Variants in TMCO4 observed in about 807,000 individuals in gnomAD.
TMCO4 encodes transmembrane and coiled-coil domains 4, also known as transmembrane and coiled-coil domain-containing protein 4.
A neutral mutation model predicts 64.7 loss-of-function variants in TMCO4; 58 were observed. The observed-to-expected ratio is 0.90, with a 90% confidence interval of 0.73 to 1.12. The LOEUF is 1.12. Ranked by LOEUF, TMCO4 falls within the 50% of genes most tolerant of loss-of-function variation. TMCO4 has a pLI of 0.00. For synonymous variants in TMCO4, 325 were observed against 346.1 expected, an observed-to-expected ratio of 0.94 and a Z score of 0.68; for missense variants, 780 against 825.9, an observed-to-expected ratio of 0.94 and a Z score of 0.68.
In TMCO4 at chr1:19,698,380, G is replaced by A. The variant is rs559532409; in HGVS notation, c.1382+2388C>T. On this transcript the variant is annotated intron_variant, in intron 14 of 15. Coordinates refer to ENST00000294543, the MANE Select transcript of TMCO4 (RefSeq NM_181719.7). ...ATCCTGGGTCTGCCTGTGGGTCCCT[G>A]GGCAAGTCACTTGCCCCTTTTTGAG... Among the ~76,000 whole-genome samples, 9 of 152,304 alleles carry A rather than the reference G, an allele frequency of 5.9e-5. No homozygotes were observed. In the South Asian group the frequency reaches 1.9e-3, roughly 32 times the overall value.
chr1:19,725,087 T>C (rs1169890326), intron 13 of TMCO4, among the ~76,000 whole-genome samples: 1 of 152,214 alleles, frequency 6.6e-6, no homozygotes. Context: ...GCAATGATCC[T>C]TGCATCTTGA....
At chr1:19,701,768 T>C (rs558271905) in intron 13 of TMCO4, among the ~76,000 whole-genome samples, 2 of 151,928 alleles carry the variant, frequency 1.3e-5, no homozygotes, top group Admixed American at 1.3e-4. Flanking sequence ...GGTCCTGGGG[T>C]CAGGGAGTGC....
At chr1:19,699,934 A>G (rs1332690282) in intron 14 of TMCO4, among the ~76,000 whole-genome samples, 1 of 152,172 alleles carries the variant, frequency 6.6e-6, no homozygotes, top group East Asian at 1.9e-4. Context: ...TGCTACCAGT[A>G]TCCCTCTTTT....
intron 13 of TMCO4, among the ~76,000 whole-genome samples, chr1:19,710,625 G>A (rs560648680): frequency 6.6e-6 from 1 of 152,232 alleles, no homozygotes; most frequent in East Asian, 1.9e-4. Context: ...GTAAGTAAGT[G>A]GCATGGTGGA....
At chr1:19,738,069 A>T (rs1370043574) in intron 12 of TMCO4, among the ~76,000 whole-genome samples, 1 of 152,238 alleles carries the variant, frequency 6.6e-6, no homozygotes, top group East Asian at 1.9e-4. Flanking sequence ...AGAAAATGAA[A>T]GTTATCTGGG....
chr1:19,725,023 G>T (rs1253054194), intron 13 of TMCO4, among the ~76,000 whole-genome samples: 11 of 152,186 alleles, frequency 7.2e-5, no homozygotes, highest in Admixed American at 7.2e-4. Context: ...GCCTCCCAAA[G>T]TGCTGGGATT....
intron 13 of TMCO4, among the ~76,000 whole-genome samples, chr1:19,726,284 T>A (rs561682386): frequency 1.8e-4 from 27 of 152,108 alleles, no homozygotes; most frequent in Non-Finnish European, 3.5e-4. Flanking sequence ...CTGAACACAG[T>A]GCCATGACCC....
chr1:19,733,049 T>G (rs1372021292), intron 13 of TMCO4, among the ~76,000 whole-genome samples: 1 of 152,134 alleles, frequency 6.6e-6, no homozygotes, highest in East Asian at 1.9e-4. Context: ...GTGGATCACT[T>G]GAGGTCGGGA....
chr1:19,708,480 T>C (rs1356682022), intron 13 of TMCO4, among the ~76,000 whole-genome samples: 1 of 151,928 alleles, frequency 6.6e-6, no homozygotes, highest in Non-Finnish European at 1.5e-5. Flanking sequence ...AGAGCCTTGA[T>C]CTCAAAAACT....
chr1:19,714,838 G>A (rs556381540), intron 13 of TMCO4, among the ~76,000 whole-genome samples: 30 of 152,226 alleles, frequency 2.0e-4, no homozygotes, highest in Non-Finnish European at 4.3e-4. Context: ...GAGGAGAATC[G>A]CTTGAACCCA....
At chr1:19,705,452 A>AAAAT (rs1055958162) in intron 13 of TMCO4, among the ~76,000 whole-genome samples, 55 of 152,058 alleles carry the variant, frequency 3.6e-4, no homozygotes, top group East Asian at 3.1e-3. Context: ...CTCCATCTCA[A>AAAAT]AAATAAATAA....
At chr1:19,705,872 C>T (rs540492036) in intron 13 of TMCO4, among the ~76,000 whole-genome samples, 216 of 152,092 alleles carry the variant, frequency 1.4e-3, no homozygotes, top group Non-Finnish European at 2.5e-3. Flanking sequence ...AGGTAAACTA[C>T]GGAAAATCCT....
intron 7 of TMCO4, among the ~76,000 whole-genome samples, chr1:19,751,105 A>T (rs1392327773): frequency 6.6e-6 from 1 of 152,194 alleles, no homozygotes; most frequent in Non-Finnish European, 1.5e-5. Context: ...AGCACGGACC[A>T]AGCCATTTCC....
rs116082763 is a variant in TMCO4, at chr1:19,730,463, T to C, written c.1264+6909A>G. Among the ~76,000 whole-genome samples, 557 of 152,358 alleles carry C rather than the reference T, an allele frequency of 3.7e-3. 2 individuals are homozygous for C. Among genetic ancestry groups the C allele is most frequent in the African/African-American group, 0.012 (489 of 41,574 alleles). ...ATGCTGATAACATTCAACTTCAAGT[T>C]CCATTTACTTCTAGAGCATGTACTC... is the stretch of plus-strand genomic sequence containing the variant. On this transcript the variant is annotated intron_variant, in intron 13 of 15. Transcript: ENST00000294543.
rs2095395014 is a variant in TMCO4, at chr1:19,723,480, A to C, written c.1264+13892T>G. Among the ~76,000 whole-genome samples the C allele has an allele frequency of 2.0e-5, 3 of 152,142 alleles. No individual in the cohort carries two copies. The South Asian group carries it at 6.2e-4, about 32-fold the overall frequency. On this transcript the variant is annotated intron_variant, in intron 13 of 15. Coordinates refer to ENST00000294543, the MANE Select transcript of TMCO4 (RefSeq NM_181719.7). The stretch of plus-strand genomic sequence containing the variant: ...TCTTCCCTGGGGGTTACTGGGTCCT[A>C]GCTTAGGTGGCGTTGAAGTGATGGG...
chr1:19,763,691 C>A (rs1194636449), intron 6 of TMCO4, among the ~76,000 whole-genome samples: 1 of 152,152 alleles, frequency 6.6e-6, no homozygotes, highest in Non-Finnish European at 1.5e-5. Flanking sequence ...CCCTACTATC[C>A]CTTGATTCAC....
chr1:19,739,110 T>C (rs1448354606), intron 12 of TMCO4, among the ~76,000 whole-genome samples: 2 of 152,198 alleles, frequency 1.3e-5, no homozygotes, highest in Non-Finnish European at 2.9e-5. Flanking sequence ...TAAGCCACTG[T>C]TATTTTGGGT....
At chr1:19,766,521 G>C (rs549743873) in intron 6 of TMCO4, among the ~76,000 whole-genome samples, 4 of 152,188 alleles carry the variant, frequency 2.6e-5, no homozygotes, top group African/African-American at 9.7e-5. Context: ...TGAAAATCCA[G>C]GTTCCCTGAC....
intron 14 of TMCO4, among the ~76,000 whole-genome samples, chr1:19,696,783 T>G (rs2095240093): frequency 6.6e-6 from 1 of 152,144 alleles, no homozygotes; most frequent in Non-Finnish European, 1.5e-5. Flanking sequence ...TGACAACATT[T>G]TAGTTAAAAT....
Sources: allele counts gnomAD v4.1 joint callset (sites outside exome capture counted in the v4.1 genomes callset), GRCh38; gene constraint gnomAD v4.1.1; transcripts MANE v1.5; gene names NCBI Gene and HGNC (gene_info 2026-07-23, HGNC 2026-07-21).